PNPLA7: variants seen among roughly 807,000 people sequenced by gnomAD.
PNPLA7 encodes patatin like domain 7, lysophospholipase, also known as patatin-like phospholipase domain-containing protein 7.
PNPLA7 carries 153 observed loss-of-function variants against 161.7 expected under a neutral mutation model. The ratio of observed to expected loss-of-function variants is 0.95; its 90% CI spans 0.83 to 1.08. The LOEUF (loss-of-function observed/expected upper bound fraction) is 1.08, where lower values mean the gene tolerates loss of function less well. Among genes scored for constraint, PNPLA7 ranks in the 50% least tolerant of loss-of-function variants. The pLI is 0.00. For synonymous variants in PNPLA7, 809 were observed against 782.1 expected (o/e 1.03, Z -0.57); for missense variants, 1,739 against 1,856.6 (o/e 0.94, Z 1.16).
intron 4 of PNPLA7, 42 bp downstream of exon 4, chr9:137,546,788 C>G (rs547056474): frequency 6.3e-7 from 1 of 1,594,888 alleles, no homozygotes; most frequent in Non-Finnish European, 8.6e-7. Flanking sequence ...GGGGCCTGCT[C>G]GAGGAAGCCG....
intron 25 of PNPLA7, 35 bp downstream of exon 25, chr9:137,477,998 AC>A: frequency 7.6e-7 from 1 of 1,322,838 alleles, no homozygotes; most frequent in Non-Finnish European, 9.8e-7. Flanking sequence ...CACCACACAC[AC>A]CAGTGAGGAG....
At position 137,472,728 on chromosome 9, in the gene PNPLA7, G is replaced by A. The variant is rs534422335; in HGVS notation, c.2883-5255C>T. On this transcript the variant is annotated intron_variant, in intron 25 of 34. Coordinates refer to ENST00000406427, the MANE Select transcript of PNPLA7 (RefSeq NM_001098537.3). ...TTCCAGCACTTTGGGAGGCTGAGGC[G>A]GGCAGATCACGAGGTCAGGAGTTTG... Among the ~76,000 whole-genome samples the A allele has an allele frequency of 2.1e-4, 32 of 150,920 alleles. 1 individual carries two copies. The highest frequency in any genetic ancestry group is 2.9e-4 in the African/African-American group (12 of 41,142).
At chr9:137,519,412 G>C (rs1057460846) in intron 11 of PNPLA7, among the ~76,000 whole-genome samples, 1 of 152,112 alleles carries the variant, frequency 6.6e-6, no homozygotes, top group Admixed American at 6.5e-5. Flanking sequence ...AAGCACGCAG[G>C]GAGAATTCTG....
chr9:137,542,008 G>C (rs767656290), intron 7 of PNPLA7, among the ~76,000 whole-genome samples: 1 of 152,116 alleles, frequency 6.6e-6, no homozygotes, highest in East Asian at 1.9e-4. Flanking sequence ...TCTCTAAGCC[G>C]TGGGCTCAGG....
In PNPLA7 at chr9:137,498,147, C is replaced by T. The variant is rs376919430; in HGVS notation, c.1856G>A (p.Trp619Ter). The T allele has an allele frequency of 1.4e-5, 22 of 1,612,990 alleles. No homozygotes were observed. The highest frequency in any genetic ancestry group is 4.4e-5 in the South Asian group (4 of 91,094). ...FVRQIDFALD[W>*]VEVEAGRAIY... ...TGCTCGCCCGGCCTCCACCTCCACC[C>T]AGTCCAGGGCAAAGTCGATTTGCCG... Residue 619 changes from tryptophan to a stop codon, truncating the protein, a stop_gained, in exon 17 of 35, where the codon TGG (tryptophan) becomes TAG (stop). Transcript: ENST00000406427. LOFTEE classifies it high-confidence loss of function.
rs1835947693 is a variant in PNPLA7, at chr9:137,537,340, T to TTGGAGTGTCACTCTGTCACCAGGC, written c.747+3278_747+3301dup. Among the ~76,000 whole-genome samples, 1 of 151,430 alleles carries TTGGAGTGTCACTCTGTCACCAGGC rather than the reference T, an allele frequency of 6.6e-6. No homozygotes were observed. Reference sequence around the variant, plus strand: ...CCCCATTTTTTTTTTTGAGACAGAGTTGGAGTGTCACTCTGTCACCAGGCT... The same window carrying TTGGAGTGTCACTCTGTCACCAGGC: ...CCCCATTTTTTTTTTTGAGACAGAGTTGGAGTGTCACTCTGTCACCAGGCTGGAGTGTCACTCTGTCACCAGGCT... On this transcript the variant is annotated intron_variant, in intron 8 of 34. Coordinates refer to ENST00000406427, the MANE Select transcript of PNPLA7 (RefSeq NM_001098537.3). This position sits in a 1 kb window ranked among gnomAD's most constrained non-coding sequence, Gnocchi z 4.5.
intron 8 of PNPLA7, among the ~76,000 whole-genome samples, chr9:137,527,393 T>G (rs1835359307): frequency 1.3e-5 from 2 of 152,344 alleles, no homozygotes; most frequent in East Asian, 3.8e-4. Context: ...TTGCTTTCAT[T>G]TTTTTAGTAC....
chr9:137,499,793 G>A lies in PNPLA7; in HGVS notation c.1757+898C>T, dbSNP rs117259068. 2.1e-3 allele frequency among the ~76,000 whole-genome samples: 313 copies of A among 152,334 alleles called. 1 individual carries two copies. The highest frequency in any genetic ancestry group is 3.8e-3 in the Non-Finnish European group (258 of 68,016). On this transcript the variant is annotated intron_variant, in intron 16 of 34. Coordinates refer to ENST00000406427, the MANE Select transcript of PNPLA7 (RefSeq NM_001098537.3). The surrounding 1 kb of genome is among the most constrained non-coding windows in gnomAD (Gnocchi z 5.5). ...CAGGCGTGAGCCGCTGCACCCAGCC[G>A]ACCTGTTTTCTTCAGCTGCTGTGCT...
chr9:137,505,569 G>A (rs1233776715), intron 14 of PNPLA7, 45 bp downstream of exon 14: 1 of 1,606,326 alleles, frequency 6.2e-7, no homozygotes, highest in Non-Finnish European at 8.5e-7. Context: ...GGAGGCCACG[G>A]GCCCTGGGTG....
At chr9:137,518,126 C>G (rs1255229665) in intron 11 of PNPLA7, among the ~76,000 whole-genome samples, 11 of 116,256 alleles carry the variant, frequency 9.5e-5, no homozygotes, top group Admixed American at 8.9e-4. Context: ...CACTCACTCA[C>G]TCCACTCTGT....
chr9:137,494,994 C>A (rs1468084575), intron 19 of PNPLA7, 39 bp downstream of exon 19: 9 of 1,553,682 alleles, frequency 5.8e-6, no homozygotes, highest in Non-Finnish European at 7.9e-6. Context: ...CCACTCCACA[C>A]CCTCATCCGC....
chr9:137,527,307 A>G (rs1187016983), intron 8 of PNPLA7, among the ~76,000 whole-genome samples: 1 of 151,586 alleles, frequency 6.6e-6, no homozygotes, highest in Non-Finnish European at 1.5e-5. Context: ...AAACAAAAAA[A>G]AACCCACACA....
In PNPLA7 at chr9:137,478,141, G is replaced by C. The variant is rs147016602; in HGVS notation, c.2775C>G (p.Tyr925Ter). ...RRSLPKLVEM[Y>*]KHVFQRPPDR... ...CCGGGGGCCGCTGGAAGACATGCTTGTACATCTCCACCTGGGGGAGGAGCC... is the reference window on the plus strand; with the variant it reads ...CCGGGGGCCGCTGGAAGACATGCTTCTACATCTCCACCTGGGGGAGGAGCC... The change falls in exon 25 of 35, where the codon TAC (tyrosine) becomes TAG (stop). Residue 925 changes from tyrosine to a stop codon, truncating the protein, a stop_gained. Coordinates refer to ENST00000406427, the MANE Select transcript of PNPLA7 (RefSeq NM_001098537.3). LOFTEE classifies it high-confidence loss of function. 8 of 1,320,236 alleles carry C rather than the reference G, an allele frequency of 6.1e-6. No individual in the cohort carries two copies. The East Asian group carries it at 2.5e-4, about 41-fold the overall frequency. The allele number at this position is 1,320,236 out of a possible 1,614,324, so 81.8% of individuals were successfully genotyped here.
At position 137,517,867 on chromosome 9, in the gene PNPLA7, T is replaced by C. The variant is rs1184507065; in HGVS notation, c.1084+2050A>G. Reference sequence around the variant, plus strand: ...TCCCACACTCACTCACTCCACTCTATCCACTCCATCCCACACTCACTCACT... The same window carrying C: ...TCCCACACTCACTCACTCCACTCTACCCACTCCATCCCACACTCACTCACT... On this transcript the variant is annotated intron_variant, in intron 11 of 34. Coordinates refer to ENST00000406427, the MANE Select transcript of PNPLA7 (RefSeq NM_001098537.3). 6.7e-4 allele frequency among the ~76,000 whole-genome samples: 34 copies of C among 50,794 alleles called. 1 individual carries two copies. Among genetic ancestry groups the C allele is most frequent in the African/African-American group, 3.7e-3 (26 of 7,094 alleles). The allele number at this position is 50,794 out of a possible 152,430, so 33.3% of individuals were successfully genotyped here.
At chr9:137,517,981 C>T (rs1834713436) in intron 11 of PNPLA7, among the ~76,000 whole-genome samples, 1 of 119,410 alleles carries the variant, frequency 8.4e-6, no homozygotes, top group Non-Finnish European at 1.7e-5. Flanking sequence ...CTCCATCCCC[C>T]ACTCACTCAC....
intron 4 of PNPLA7, among the ~76,000 whole-genome samples, chr9:137,545,265 C>T (rs904528394): frequency 8.5e-5 from 13 of 152,214 alleles, no homozygotes; most frequent in African/African-American, 2.2e-4. Flanking sequence ...AAGTGAGTCA[C>T]GCAGCTTTCA....
chr9:137,460,381 T>C lies in PNPLA7; in HGVS notation c.*12A>G. ...CGGAAGACGCTGCATCCGGGCTCTT[T>C]AGCAGAGGCCTCTACCCGTCCTGGT... On this transcript the variant is annotated 3_prime_UTR_variant, in exon 35 of 35. Transcript: ENST00000406427. 2 of 1,610,696 alleles carry C rather than the reference T, an allele frequency of 1.2e-6. No homozygotes were observed. Among genetic ancestry groups the C allele is most frequent in the East Asian group, 2.2e-5 (1 of 44,846 alleles).
At chr9:137,519,055 C>T (rs1834843936) in intron 11 of PNPLA7, among the ~76,000 whole-genome samples, 1 of 150,282 alleles carries the variant, frequency 6.7e-6, no homozygotes, top group Non-Finnish European at 1.5e-5. Context: ...CTCCATCCCA[C>T]ACTCACTCAT....
intron 25 of PNPLA7, among the ~76,000 whole-genome samples, chr9:137,474,516 G>A (rs978809319): frequency 3.3e-5 from 5 of 152,288 alleles, no homozygotes; most frequent in South Asian, 2.1e-4. Flanking sequence ...TCTCAGGAGC[G>A]CGAGGCAGCC....
Sources: gnomAD v4.1 joint callset for allele counts (sites outside exome capture counted in the v4.1 genomes callset) on GRCh38, gnomAD v4.1.1 for gene constraint, Gnocchi (gnomAD v3.1) non-coding constraint, MANE v1.5 for transcripts, NCBI Gene and HGNC (gene_info 2026-07-23, HGNC 2026-07-21) for gene names.